The following UCP1 variants were observed in gnomAD, a reference collection of about 807,000 sequenced individuals.
UCP1 encodes the protein mitochondrial brown fat uncoupling protein 1.
In UCP1, 24 loss-of-function variants were observed where a neutral mutation model predicts 26.2. The ratio of observed to expected loss-of-function variants is 0.92; its 90% CI spans 0.66 to 1.29. The LOEUF (loss-of-function observed/expected upper bound fraction) is 1.29, where lower values mean the gene tolerates loss of function less well. Ranked by LOEUF, UCP1 falls within the 50% of genes most tolerant of loss-of-function variation. The pLI is 0.00. For missense variants in UCP1, 402 were observed against 388.7 expected (o/e 1.03, Z -0.29); for synonymous variants, 164 against 156.8 (o/e 1.05, Z -0.34).
Position 140,567,141 on chromosome 4 carries a change from G to A in UCP1, c.325+638C>T, listed in dbSNP as rs79246635. 2.6e-5 allele frequency among the ~76,000 whole-genome samples: 4 copies of A among 152,318 alleles called. No homozygotes were observed. The East Asian group carries it at 7.7e-4, about 29-fold the overall frequency. Reference sequence around the variant, plus strand: ...CTAAAGTGACAGGAATTCTTAGAGTGCACTGGCACTCAGGAAATATGTTTC... The same window carrying A: ...CTAAAGTGACAGGAATTCTTAGAGTACACTGGCACTCAGGAAATATGTTTC... On this transcript the variant is annotated intron_variant, in intron 2 of 5. Transcript: ENST00000262999.
In UCP1 at chr4:140,568,108, CGTGTGTGTGTGTGTGTGTGT is replaced by C. The variant is rs3138733; in HGVS notation, c.127-151_127-132del. ...TCCTCTTCCATCCACCTCCCTCTACCGTGTGTGTGTGTGTGTGTGTGTGTGTGTGTGTGTGTGTGTGTGTG... is the reference window on the plus strand; with the variant it reads ...TCCTCTTCCATCCACCTCCCTCTACCGTGTGTGTGTGTGTGTGTGTGTGTG... On this transcript the variant is annotated intron_variant, in intron 1 of 5. Transcript: ENST00000262999. 318 of 639,022 alleles carry C rather than the reference CGTGTGTGTGTGTGTGTGTGT, an allele frequency of 5.0e-4. 1 individual carries two copies. The highest frequency in any genetic ancestry group is 2.8e-3 in the African/African-American group (141 of 51,144). The allele number at this position is 639,022 out of a possible 1,614,324, so 39.6% of individuals were successfully genotyped here.
chr4:140,567,627 A>G, intron 2 of UCP1, 152 bp downstream of exon 2: 7 of 1,011,868 alleles, frequency 6.9e-6, no homozygotes, highest in Admixed American at 2.3e-5. Flanking sequence ...TTTTTCTATG[A>G]ACAATGAGCT....
chr4:140,565,572 C>T (rs1055103499), intron 2 of UCP1, among the ~76,000 whole-genome samples: 1 of 152,122 alleles, frequency 6.6e-6, no homozygotes, highest in Non-Finnish European at 1.5e-5. Flanking sequence ...CCTGCAAGGC[C>T]TTCTGTCATC....
In UCP1 at chr4:140,563,380, G is replaced by A. The variant is rs531672425; in HGVS notation, c.464C>T (p.Thr155Met). Residue 155 changes from threonine (T) to methionine (M), a missense_variant, in exon 3 of 6, where the codon ACG becomes ATG. Transcript: ENST00000262999. ...TATTCTGTACGCATTATAAGTCCCC[G>A]TGTAGCGAGGTTTGATTCCGTGGAG... ...SHLHGIKPRYTGTYNAYRIIA... is the reference protein window; with the variant it reads ...SHLHGIKPRYMGTYNAYRIIA... The A allele has an allele frequency of 2.0e-5, 32 of 1,613,946 alleles. No individual in the cohort carries two copies. The highest frequency in any genetic ancestry group is 2.3e-5 in the Non-Finnish European group (27 of 1,180,022).
At chr4:140,562,691 A>C (rs934001283) in intron 4 of UCP1, among the ~76,000 whole-genome samples, 6 of 152,086 alleles carry the variant, frequency 3.9e-5, no homozygotes, top group Non-Finnish European at 8.8e-5. Context: ...AAGTTGTTAG[A>C]ATATTATTTT....
chr4:140,563,716 T>G (rs1416820521), intron 2 of UCP1, among the ~76,000 whole-genome samples, 198 bp from the exon 3 acceptor site: 1 of 151,916 alleles, frequency 6.6e-6, no homozygotes, highest in Non-Finnish European at 1.5e-5. Flanking sequence ...CAAGAGATTC[T>G]CCTGCCTCAG....
chr4:140,563,594 G>T, intron 2 of UCP1, 76 bp from the exon 3 acceptor site: 1 of 1,351,568 alleles, frequency 7.4e-7, no homozygotes, highest in Non-Finnish European at 1.0e-6. Context: ...TTAATTTTCA[G>T]TGGTTCATAT....
chr4:140,567,997 A>G lies in UCP1; in HGVS notation c.127-20T>C. 1 of 1,614,044 alleles carries G rather than the reference A, an allele frequency of 6.2e-7. No individual in the cohort carries two copies. Among genetic ancestry groups the G allele is most frequent in the East Asian group, 2.2e-5 (1 of 44,888 alleles). On this transcript the variant is annotated intron_variant, in intron 1 of 5. Coordinates refer to ENST00000262999, the MANE Select transcript of UCP1 (RefSeq NM_021833.5). ...TTGGACCTGGAAATAAGAAAGGTGC[A>G]GAACAGAAGGGAGCGAAATTGAGTT... is the stretch of plus-strand genomic sequence containing the variant.
Position 140,567,820 on chromosome 4 carries a change from A to G in UCP1, c.284T>C (p.Leu95Pro). The change falls in exon 2 of 6, where the codon CTC (leucine) becomes CCC (proline). Residue 95 changes from leucine to proline, a missense_variant. Coordinates refer to ENST00000262999, the MANE Select transcript of UCP1 (RefSeq NM_021833.5). ...GAGGAACTCCTGGACCGTGTCGTAGAGGCCGATCCTGAGAGAGGCGGAGCT... is the reference window on the plus strand; with the variant it reads ...GAGGAACTCCTGGACCGTGTCGTAGGGGCCGATCCTGAGAGAGGCGGAGCT... ...QISSASLRIG[L>P]YDTVQEFLTA... The G allele has an allele frequency of 1.2e-6, 2 of 1,614,124 alleles. No homozygotes were observed. Among genetic ancestry groups the G allele is most frequent in the Middle Eastern group, 1.7e-4 (1 of 6,060 alleles).
Position 140,563,103 on chromosome 4 carries a change from A to C in UCP1, c.628+7T>G. ...AGACCTGTTTGTTATATGAAATGGG[A>C]AGTTACCTGCTAATATGTTGTTTTT... is the stretch of plus-strand genomic sequence containing the variant. On this transcript the variant is annotated splice_region_variant and intron_variant, in intron 4 of 5. Transcript: ENST00000262999. 6.2e-7 allele frequency: 1 copy of C among 1,609,508 alleles called. No homozygotes were observed. Among genetic ancestry groups the C allele is most frequent in the Non-Finnish European group, 8.5e-7 (1 of 1,176,142 alleles).
At chr4:140,562,060 G>C in intron 5 of UCP1, 133 bp downstream of exon 5, 1 of 1,054,786 alleles carries the variant, frequency 9.5e-7, no homozygotes, top group Non-Finnish European at 1.5e-6. Context: ...GAAATCTGTG[G>C]CAAGGAAAAG....
At position 140,562,326 on chromosome 4, in the gene UCP1, C is replaced by T. The variant is rs777035861; in HGVS notation, c.676G>A (p.Ala226Thr). The change falls in exon 5 of 6, where the codon GCA becomes ACA. Residue 226 changes from alanine (A) to threonine (T), a missense_variant. Ala to Thr is a moderately conservative substitution (Grantham distance 58, BLOSUM62 0). Coordinates refer to ENST00000262999, the MANE Select transcript of UCP1 (RefSeq NM_021833.5). The part of the protein sequence containing the change: ...LVSALIAGFC[A>T]TAMSSPVDVV... ...TCCACCGGGGAGGACATAGCTGTTG[C>T]GCAAAATCCAGCGATAAGAGCCGAC... The T allele has an allele frequency of 3.7e-5, 60 of 1,613,882 alleles. No homozygotes were observed. Among genetic ancestry groups the T allele is most frequent in the Middle Eastern group, 1.6e-4 (1 of 6,082 alleles).
Position 140,562,252 on chromosome 4 carries a change from A to G in UCP1, c.750T>C (p.Ser250=). Residue 250 remains serine (S), a synonymous_variant, in exon 5 of 6, where the codon AGT becomes AGC. Transcript: ENST00000262999. ...FINSPPGQYK[S]VPNCAMKVFT... ...ACACTTTCATTGCACAGTTGGGCAC[A>G]CTTTTGTACTGTCCTGGTGGAGAAT... 6.2e-7 allele frequency: 1 copy of G among 1,614,158 alleles called. No homozygotes were observed. The highest frequency in any genetic ancestry group is 8.5e-7 in the Non-Finnish European group (1 of 1,180,010).
At position 140,562,214 on chromosome 4, in the gene UCP1, C is replaced by G. The variant is rs759901775; in HGVS notation, c.788G>C (p.Gly263Ala). 3 of 1,614,156 alleles carry G rather than the reference C, an allele frequency of 1.9e-6. No individual in the cohort carries two copies. The South Asian group carries it at 3.3e-5, about 18-fold the overall frequency. ...NCAMKVFTNE[G>A]PTAFFKGLVP... ...TTACCCCTTGAAGAAAGCCGTTGGT[C>G]CTTCGTTAGTGAACACTTTCATTGC... The change falls in exon 5 of 6, where the codon GGA (glycine) becomes GCA (alanine). Residue 263 changes from glycine to alanine, a missense_variant. Transcript: ENST00000262999.
intron 4 of UCP1, 141 bp downstream of exon 4, chr4:140,562,969 G>T: frequency 1.3e-6 from 1 of 763,022 alleles, no homozygotes; most frequent in East Asian, 2.7e-5. Context: ...TTCTCACAAA[G>T]TTATATATGG....
intron 2 of UCP1, among the ~76,000 whole-genome samples, chr4:140,565,395 T>C (rs1027288889): frequency 7.2e-5 from 11 of 152,234 alleles, no homozygotes; most frequent in African/African-American, 2.7e-4. Context: ...ACCCTGATCA[T>C]TTCTTGCTTT....
intron 5 of UCP1, among the ~76,000 whole-genome samples, chr4:140,561,976 C>G (rs556306518): frequency 1.8e-4 from 27 of 152,244 alleles, no homozygotes; most frequent in African/African-American, 6.0e-4. Flanking sequence ...CTTGAATGAG[C>G]CTTTGATCAA....
intron 5 of UCP1, among the ~76,000 whole-genome samples, chr4:140,561,631 G>C (rs56220366): frequency 0.018 from 2,779 of 152,248 alleles, 84 homozygotes; most frequent in African/African-American, 0.061. Flanking sequence ...GAGCCACCAC[G>C]CCGAGCCCAT....
At chr4:140,566,828 C>G (rs72943535) in intron 2 of UCP1, among the ~76,000 whole-genome samples, 2,773 of 152,284 alleles carry the variant, frequency 0.018, 84 homozygotes, top group African/African-American at 0.061. Flanking sequence ...ACACTTTTTA[C>G]TCACAGCAGT....
Sources: allele counts gnomAD v4.1 joint callset (sites outside exome capture counted in the v4.1 genomes callset), GRCh38; gene constraint gnomAD v4.1.1; transcripts MANE v1.5; gene names NCBI Gene and HGNC (gene_info 2026-07-23, HGNC 2026-07-21).